The following COL23A1 variants were observed in gnomAD, a reference collection of about 807,000 sequenced individuals.
The protein encoded by COL23A1 is collagen alpha-1(XXIII) chain.
Under a neutral mutation model 99.3 loss-of-function variants are expected in COL23A1, and 97 were observed. The ratio of observed to expected loss-of-function variants is 0.98; its 90% confidence interval spans 0.83 to 1.16. COL23A1 has a LOEUF of 1.16. Among genes scored for constraint, COL23A1 ranks in the 50% most tolerant of loss-of-function variants. The pLI is 0.00. For synonymous variants in COL23A1, 320 were observed against 308.2 expected (o/e 1.04, Z -0.40); for missense variants, 762 against 757.4 (o/e 1.01, Z -0.07).
chr5:178,523,261 G>GAGAGAGAGAGAGAGAGAGAGAC (rs1562052069), intron 2 of COL23A1, among the ~76,000 whole-genome samples: 8 of 65,746 alleles, frequency 1.2e-4, no homozygotes, highest in Non-Finnish European at 3.2e-4. Context: ...GAGAGACAGA[G>GAGAGAGAGAGAGAGAGAGAGAC]AGAGAGAGAG....
At chr5:178,409,890 TA>T (rs1356423536) in intron 2 of COL23A1, among the ~76,000 whole-genome samples, 2 of 152,196 alleles carry the variant, frequency 1.3e-5, no homozygotes, top group Admixed American at 1.3e-4. Context: ...GATATAAATG[TA>T]AATATAAAAT....
intron 2 of COL23A1, among the ~76,000 whole-genome samples, chr5:178,485,214 T>C (rs1199868079): frequency 6.6e-6 from 1 of 152,228 alleles, no homozygotes; most frequent in Non-Finnish European, 1.5e-5. Context: ...GGCTCACGCC[T>C]GTAATCCCAG....
chr5:178,323,706 C>A (rs1463310135), intron 2 of COL23A1, among the ~76,000 whole-genome samples: 1 of 152,138 alleles, frequency 6.6e-6, no homozygotes, highest in Admixed American at 6.5e-5. Context: ...TCGGAAGACC[C>A]TTCTCCCTGG....
At chr5:178,585,546 C>A in intron 1 of COL23A1, among the ~76,000 whole-genome samples, 1 of 141,068 alleles carries the variant, frequency 7.1e-6, no homozygotes, top group Non-Finnish European at 1.5e-5. Context: ...TAACACTCCA[C>A]AGCCCTGGTT....
intron 2 of COL23A1, among the ~76,000 whole-genome samples, chr5:178,512,468 G>A (rs747438879): frequency 6.6e-6 from 1 of 152,192 alleles, no homozygotes; most frequent in Non-Finnish European, 1.5e-5. Flanking sequence ...GCAGATGTGA[G>A]TTAACATCGT....
intron 2 of COL23A1, among the ~76,000 whole-genome samples, chr5:178,522,120 G>C (rs774871631): frequency 6.6e-6 from 1 of 152,152 alleles, no homozygotes; most frequent in South Asian, 2.1e-4. Context: ...AAAGAACTTT[G>C]TGCCATATAA....
intron 2 of COL23A1, among the ~76,000 whole-genome samples, chr5:178,417,585 C>T (rs996177779): frequency 6.6e-6 from 1 of 152,136 alleles, no homozygotes; most frequent in Non-Finnish European, 1.5e-5. Context: ...AGCAGAAAAC[C>T]ACAGGATCCA....
At chr5:178,502,796 G>A (rs145525356) in intron 2 of COL23A1, among the ~76,000 whole-genome samples, 1 of 152,354 alleles carries the variant, frequency 6.6e-6, no homozygotes, top group African/African-American at 2.4e-5. Flanking sequence ...GCCAGAAGAC[G>A]TGCACAGAGA....
At chr5:178,464,531 C>T (rs1316383178) in intron 2 of COL23A1, among the ~76,000 whole-genome samples, 1 of 152,168 alleles carries the variant, frequency 6.6e-6, no homozygotes, top group Non-Finnish European at 1.5e-5. Flanking sequence ...CCTGGTGTAA[C>T]ACACATGATT....
chr5:178,461,243 C>A lies in COL23A1; in HGVS notation c.361+99439G>T, dbSNP rs555505036. 5.9e-5 allele frequency among the ~76,000 whole-genome samples: 9 copies of A among 152,360 alleles called. No homozygotes were observed. In the East Asian group the frequency reaches 1.7e-3, roughly 29 times the overall value. The stretch of plus-strand genomic sequence containing the variant: ...CATCAGTGTGTGCCCAGGCTGGCCA[C>A]CGCCACGAGTCCAGCCTGGCCATGT... On this transcript the variant is annotated intron_variant, in intron 2 of 28. Transcript: ENST00000390654.
chr5:178,498,174 T>C (rs944083608), intron 2 of COL23A1, among the ~76,000 whole-genome samples: 1 of 128,576 alleles, frequency 7.8e-6, no homozygotes, highest in Admixed American at 9.1e-5. Flanking sequence ...GAGACCAGCC[T>C]GGCAACATGG....
intron 2 of COL23A1, among the ~76,000 whole-genome samples, chr5:178,316,143 T>G (rs1289785297): frequency 2.0e-5 from 3 of 152,218 alleles, no homozygotes; most frequent in African/African-American, 7.2e-5. Context: ...ATTCCAGCAC[T>G]ATAAACTTAT....
rs1764909479 is a variant in COL23A1 at position 178,249,700 on chromosome 5, ACACACACACACACACACTCTCTCT to A, written c.1059+337_1059+360del. Among the ~76,000 whole-genome samples, 6 of 103,090 alleles carry A rather than the reference ACACACACACACACACACTCTCTCT, an allele frequency of 5.8e-5. No individual in the cohort carries two copies. The Admixed American group carries it at 6.3e-4, about 11-fold the overall frequency. The allele number at this position is 103,090 out of a possible 152,430, so 67.6% of individuals were successfully genotyped here. The stretch of plus-strand genomic sequence containing the variant: ...TATAGGATAACACACACACACACAC[ACACACACACACACACACTCTCTCT>A]CTCTCTCTCTCTCTCTCTCTCTCTC... On this transcript the variant is annotated intron_variant, in intron 18 of 28. Coordinates refer to ENST00000390654, the MANE Select transcript of COL23A1 (RefSeq NM_173465.4).
intron 24 of COL23A1, 26 bp from the exon 25 acceptor site, chr5:178,245,994 GA>G: frequency 1.2e-6 from 2 of 1,613,904 alleles, no homozygotes; most frequent in South Asian, 2.2e-5. Flanking sequence ...GAGTGGGTGA[GA>G]GGGGTTGGGG....
chr5:178,451,279 A>G (rs1767472379), intron 2 of COL23A1, among the ~76,000 whole-genome samples: 1 of 152,194 alleles, frequency 6.6e-6, no homozygotes, highest in African/African-American at 2.4e-5. Flanking sequence ...TTACTATTTG[A>G]ATTTTACCCC....
chr5:178,281,399 G>A lies in COL23A1; in HGVS notation c.441+6925C>T, dbSNP rs1037681226. 5.3e-5 allele frequency among the ~76,000 whole-genome samples: 8 copies of A among 152,100 alleles called. No individual in the cohort carries two copies. The highest frequency in any genetic ancestry group is 1.9e-4 in the East Asian group (1 of 5,170). Reference sequence around the variant, plus strand: ...AAAATTGGTCCCAGGCCGAGGCCCCGTCTCACAGACCACATTTCAGCCCAG... The same window carrying A: ...AAAATTGGTCCCAGGCCGAGGCCCCATCTCACAGACCACATTTCAGCCCAG... On this transcript the variant is annotated intron_variant, in intron 5 of 28. Coordinates refer to ENST00000390654, the MANE Select transcript of COL23A1 (RefSeq NM_173465.4). The surrounding 1 kb of genome is among the most constrained non-coding windows in gnomAD (Gnocchi z 4.0).
rs570385633 is a variant in COL23A1, at chr5:178,256,991, G to A, written c.775-63C>T. 1.4e-5 allele frequency: 21 copies of A among 1,518,290 alleles called. No individual in the cohort carries two copies. In the African/African-American group the frequency reaches 2.9e-4, roughly 21 times the overall value. The allele number at this position is 1,518,290 out of a possible 1,614,324, so 94.1% of individuals were successfully genotyped here. On this transcript the variant is annotated intron_variant, in intron 13 of 28. Coordinates refer to ENST00000390654, the MANE Select transcript of COL23A1 (RefSeq NM_173465.4). ...ACGGCACGTGGCGGGTGCCTTGGAG[G>A]GGGGCGTGCCTCGGGGTTGCCTGAA...
intron 1 of COL23A1, among the ~76,000 whole-genome samples, chr5:178,575,449 T>C (rs1763301852): frequency 6.6e-6 from 1 of 152,178 alleles, no homozygotes; most frequent in Admixed American, 6.5e-5. Flanking sequence ...GTTTTTCGTG[T>C]TAATTTGCCG....
chr5:178,271,201 G>A (rs1756266979), intron 5 of COL23A1, among the ~76,000 whole-genome samples: 1 of 152,184 alleles, frequency 6.6e-6, no homozygotes, highest in Non-Finnish European at 1.5e-5. Context: ...TCCCCTCCGT[G>A]TGGGAGTGGG....
Sources: allele counts gnomAD v4.1 joint callset (sites outside exome capture counted in the v4.1 genomes callset), GRCh38; gene constraint gnomAD v4.1.1; non-coding constraint Gnocchi (gnomAD v3.1); transcripts MANE v1.5; gene names NCBI Gene and HGNC (gene_info 2026-07-23, HGNC 2026-07-21).